MAGI2: variants seen among roughly 807,000 people sequenced by gnomAD.
The protein encoded by MAGI2 is membrane-associated guanylate kinase, WW and PDZ domain-containing protein 2.
Under a neutral mutation model 133.3 loss-of-function variants are expected in MAGI2, and 35 were observed. That is an observed-to-expected ratio of 0.26 (90% CI 0.20 to 0.35). The LOEUF (loss-of-function observed/expected upper bound fraction) is 0.35. Among genes scored for constraint, MAGI2 ranks in the 10% least tolerant of loss-of-function variants. MAGI2 has a pLI of 1.00. For missense variants in MAGI2, 1,636 were observed against 1,863.4 expected, an observed-to-expected ratio of 0.88 and a Z score of 2.25; for synonymous variants, 729 against 710.6, an observed-to-expected ratio of 1.03 and a Z score of -0.41.
intron 2 of MAGI2, among the ~76,000 whole-genome samples, chr7:78,636,691 G>A (rs188833488): frequency 2.0e-5 from 3 of 152,134 alleles, no homozygotes; most frequent in Admixed American, 1.3e-4. Flanking sequence ...CCAGCTACTC[G>A]GGACGCTGAG....
At chr7:79,310,901 A>T (rs1838227908) in intron 1 of MAGI2, among the ~76,000 whole-genome samples, 3 of 151,920 alleles carry the variant, frequency 2.0e-5, no homozygotes, top group Admixed American at 2.0e-4. Context: ...TCATTATCAC[A>T]TTAAGAAGTA....
chr7:78,284,935 G>A (rs746614198), intron 9 of MAGI2, among the ~76,000 whole-genome samples: 21 of 152,050 alleles, frequency 1.4e-4, no homozygotes, highest in Admixed American at 3.9e-4. Context: ...AAAAATAAAT[G>A]TTTACAATTT....
At chr7:78,169,412 T>C (rs1825909359) in intron 14 of MAGI2, among the ~76,000 whole-genome samples, 3 of 149,770 alleles carry the variant, frequency 2.0e-5, no homozygotes, top group Admixed American at 2.0e-4. Flanking sequence ...TAATAATTTC[T>C]TTCAAATCCC....
At position 78,910,784 on chromosome 7, in the gene MAGI2, T is replaced by A. The variant is rs12112820; in HGVS notation, c.418+96306A>T. Among the ~76,000 whole-genome samples, 646 of 152,340 alleles carry A rather than the reference T, an allele frequency of 4.2e-3. 3 individuals are homozygous for A. The highest frequency in any genetic ancestry group is 0.015 in the African/African-American group (617 of 41,582). On this transcript the variant is annotated intron_variant, in intron 2 of 21. Coordinates refer to ENST00000354212, the MANE Select transcript of MAGI2 (RefSeq NM_012301.4). ...TAAACATAATTTGATAAAATGTCTC[T>A]AGTTCCTCAGGGAAAGGTTCTATTC...
chr7:78,373,412 T>C (rs1262183334), intron 6 of MAGI2, among the ~76,000 whole-genome samples: 1 of 152,146 alleles, frequency 6.6e-6, no homozygotes, highest in Admixed American at 6.6e-5. Flanking sequence ...CTGGGTTCAA[T>C]GTACTTATGA....
intron 2 of MAGI2, among the ~76,000 whole-genome samples, chr7:78,800,540 T>A (rs1053395855): frequency 3.3e-5 from 5 of 152,270 alleles, no homozygotes; most frequent in Admixed American, 2.0e-4. Flanking sequence ...TAGCAATGTC[T>A]CATAGATATG....
chr7:78,540,581 A>G (rs1193513827), intron 3 of MAGI2, among the ~76,000 whole-genome samples: 1 of 151,612 alleles, frequency 6.6e-6, no homozygotes, highest in Non-Finnish European at 1.5e-5. Context: ...TCATATTTCC[A>G]CTTGTTTGCC....
chr7:78,840,704 GAGC>G (rs1191456410), intron 2 of MAGI2, among the ~76,000 whole-genome samples: 1 of 151,978 alleles, frequency 6.6e-6, no homozygotes, highest in Non-Finnish European at 1.5e-5. Flanking sequence ...CAACATCAAA[GAGC>G]TGAGGCTTGT....
intron 21 of MAGI2, among the ~76,000 whole-genome samples, chr7:78,051,830 C>G (rs937460993): frequency 1.3e-5 from 2 of 151,100 alleles, no homozygotes; most frequent in African/African-American, 2.4e-5. Flanking sequence ...AGTCATCCAC[C>G]TGCCTTGACC....
In MAGI2 at chr7:78,783,940, C is replaced by T. The variant is rs72611100; in HGVS notation, c.419-156701G>A. Among the ~76,000 whole-genome samples, 108 of 152,230 alleles carry T rather than the reference C, an allele frequency of 7.1e-4. 1 individual carries two copies. In the East Asian group the frequency reaches 0.019, roughly 27 times the overall value. On this transcript the variant is annotated intron_variant, in intron 2 of 21. Transcript: ENST00000354212. ...ACACACATATTTTATTTAAAGAATACGGAAACACCCGTTTTCTTCTTTGAC... is the reference window on the plus strand; with the variant it reads ...ACACACATATTTTATTTAAAGAATATGGAAACACCCGTTTTCTTCTTTGAC...
intron 1 of MAGI2, among the ~76,000 whole-genome samples, chr7:79,385,710 G>A (rs185526189): frequency 1.3e-5 from 2 of 151,964 alleles, no homozygotes; most frequent in East Asian, 3.9e-4. Flanking sequence ...ATGGGGAGAT[G>A]TAGGTCAAAG....
At chr7:78,272,512 G>C (rs1340209010) in intron 9 of MAGI2, among the ~76,000 whole-genome samples, 1 of 152,048 alleles carries the variant, frequency 6.6e-6, no homozygotes, top group African/African-American at 2.4e-5. Flanking sequence ...TTTCTGTCTT[G>C]TTGGTCTGTC....
At chr7:78,638,305 A>G (rs1488510252) in intron 2 of MAGI2, among the ~76,000 whole-genome samples, 1 of 152,196 alleles carries the variant, frequency 6.6e-6, no homozygotes, top group Non-Finnish European at 1.5e-5. Context: ...CTGAAGACAA[A>G]CTAGGGCAAA....
At chr7:79,333,306 T>A (rs1840216827) in intron 1 of MAGI2, among the ~76,000 whole-genome samples, 1 of 152,132 alleles carries the variant, frequency 6.6e-6, no homozygotes, top group Admixed American at 6.6e-5. Context: ...TTTTGTATTT[T>A]TAGTACAGAC....
chr7:78,506,331 C>A (rs1795083897), intron 4 of MAGI2, among the ~76,000 whole-genome samples: 1 of 151,966 alleles, frequency 6.6e-6, no homozygotes, highest in East Asian at 1.9e-4. Context: ...TTTGGGCACA[C>A]TGAGTTAGAG....
At chr7:79,149,340 C>T (rs111952761) in intron 1 of MAGI2, among the ~76,000 whole-genome samples, 5 of 151,714 alleles carry the variant, frequency 3.3e-5, no homozygotes, top group African/African-American at 7.3e-5. Flanking sequence ...GATTACCACA[C>T]GCCACTGCTA....
In MAGI2 at chr7:79,382,870, T is replaced by C. The variant is rs186590052; in HGVS notation, c.301+70150A>G. Reference sequence around the variant, plus strand: ...AATCTCTGAGAGATATCTCCACTTCTTAAACATTATCTTTTAAAAAGTGTC... The same window carrying C: ...AATCTCTGAGAGATATCTCCACTTCCTAAACATTATCTTTTAAAAAGTGTC... On this transcript the variant is annotated intron_variant, in intron 1 of 21. Transcript: ENST00000354212. Among the ~76,000 whole-genome samples, 62 of 151,644 alleles carry C rather than the reference T, an allele frequency of 4.1e-4. 1 individual carries two copies. The highest frequency in any genetic ancestry group is 3.0e-4 in the Non-Finnish European group (20 of 67,666).
At chr7:78,358,192 AAAAAATATATATATAT>A (rs1792332708) in intron 7 of MAGI2, 1 of 35,840 alleles carries the variant, frequency 2.8e-5, no homozygotes, top group Admixed American at 3.5e-4. Context: ...AAAAAAAAAA[AAAAAATATATATATAT>A]ATATATATAT....
intron 9 of MAGI2, among the ~76,000 whole-genome samples, chr7:78,303,247 C>T (rs1220396707): frequency 6.6e-6 from 1 of 151,850 alleles, no homozygotes; most frequent in Non-Finnish European, 1.5e-5. Flanking sequence ...GGCATGGTGG[C>T]AGGCATCTGT....
Sources: allele counts gnomAD v4.1 joint callset (sites outside exome capture counted in the v4.1 genomes callset), GRCh38; gene constraint gnomAD v4.1.1; transcripts MANE v1.5; gene names NCBI Gene and HGNC (gene_info 2026-07-23, HGNC 2026-07-21).